STRN: variants seen among roughly 807,000 people sequenced by gnomAD.
STRN encodes protein phosphatase 2 regulatory subunit B'''alpha.
In STRN, 53 loss-of-function variants were observed where a neutral mutation model predicts 96.3. The ratio of observed to expected loss-of-function variants is 0.55; its 90% CI spans 0.44 to 0.69. STRN has a LOEUF of 0.69. STRN is among the 30% of genes least tolerant of loss of function. The pLI, the probability that STRN is intolerant of heterozygous loss-of-function variation, is 0.00. For synonymous variants in STRN, 428 were observed against 355.9 expected (o/e 1.20, Z -2.28); for missense variants, 987 against 963.9 (o/e 1.02, Z -0.32).
chr2:36,930,052 C>A (rs1372640945), intron 1 of STRN, among the ~76,000 whole-genome samples: 1 of 152,164 alleles, frequency 6.6e-6, no homozygotes, highest in Non-Finnish European at 1.5e-5. Flanking sequence ...CTCTGAAAAG[C>A]TTTGGATTAT....
intron 2 of STRN, among the ~76,000 whole-genome samples, chr2:36,923,790 A>G (rs1572677981): frequency 6.6e-6 from 1 of 152,226 alleles, no homozygotes; most frequent in African/African-American, 2.4e-5. Context: ...AAAGCAAAAA[A>G]GTAGCAAAAT....
intron 1 of STRN, among the ~76,000 whole-genome samples, chr2:36,957,986 C>A (rs1403139687): frequency 7.5e-5 from 11 of 146,202 alleles, no homozygotes; most frequent in Non-Finnish European, 1.2e-4. Context: ...GTGGCGCGAT[C>A]TTGGCTCACT....
intron 10 of STRN, among the ~76,000 whole-genome samples, chr2:36,871,669 A>G (rs1451744896): frequency 6.6e-6 from 1 of 152,242 alleles, no homozygotes; most frequent in Non-Finnish European, 1.5e-5. Flanking sequence ...TATTTTGACC[A>G]TTACTGAAAA....
chr2:36,930,269 T>C (rs1298485025), intron 1 of STRN, among the ~76,000 whole-genome samples: 1 of 151,960 alleles, frequency 6.6e-6, no homozygotes, highest in Non-Finnish European at 1.5e-5. Flanking sequence ...CCATCTCTAC[T>C]AAAAATACAA....
At chr2:36,926,163 T>G (rs1670403366) in intron 1 of STRN, among the ~76,000 whole-genome samples, 1 of 152,172 alleles carries the variant, frequency 6.6e-6, no homozygotes, top group East Asian at 1.9e-4. Flanking sequence ...CATTTGAACA[T>G]GAAACGAACT....
At chr2:36,890,733 C>T (rs2148184286) in intron 7 of STRN, among the ~76,000 whole-genome samples, 1 of 152,252 alleles carries the variant, frequency 6.6e-6, no homozygotes, top group South Asian at 2.1e-4. Context: ...ATCCACCCGC[C>T]TCGGCCTCCC....
At chr2:36,900,216 T>G (rs1417962281) in intron 5 of STRN, among the ~76,000 whole-genome samples, 2 of 152,134 alleles carry the variant, frequency 1.3e-5, no homozygotes, top group Non-Finnish European at 2.9e-5. Flanking sequence ...TAATCTAATG[T>G]AAAAAACTCC....
chr2:36,924,786 G>A (rs2148230543), intron 2 of STRN, among the ~76,000 whole-genome samples: 1 of 152,302 alleles, frequency 6.6e-6, no homozygotes, highest in African/African-American at 2.4e-5. Flanking sequence ...GCCAGGCCCA[G>A]TGGCTCACAC....
intron 12 of STRN, among the ~76,000 whole-genome samples, 180 bp from the exon 13 acceptor site, chr2:36,861,433 G>A (rs1668476765): frequency 6.6e-6 from 1 of 152,100 alleles, no homozygotes; most frequent in African/African-American, 2.4e-5. Context: ...TAAGAGGTTG[G>A]TAAATTATGG....
At chr2:36,935,595 A>T (rs1427566640) in intron 1 of STRN, among the ~76,000 whole-genome samples, 2 of 152,250 alleles carry the variant, frequency 1.3e-5, no homozygotes, top group African/African-American at 4.8e-5. Flanking sequence ...AACATAAAAT[A>T]ATTAAGTGCC....
intron 1 of STRN, among the ~76,000 whole-genome samples, chr2:36,942,509 A>G (rs1020469031): frequency 1.5e-4 from 23 of 152,182 alleles, no homozygotes; most frequent in African/African-American, 4.8e-4. Context: ...GGTGCTCTTG[A>G]TGCATATAGA....
At chr2:36,914,205 G>C (rs1304612068) in intron 3 of STRN, among the ~76,000 whole-genome samples, 2 of 152,082 alleles carry the variant, frequency 1.3e-5, no homozygotes, top group African/African-American at 4.8e-5. Context: ...TGCCCAGACT[G>C]GTCTCAAACT....
At chr2:36,860,982 AATACAG>A in intron 13 of STRN, 144 bp downstream of exon 13, 2 of 922,792 alleles carry the variant, frequency 2.2e-6, no homozygotes, top group Non-Finnish European at 3.1e-6. Flanking sequence ...TTAATTCCTA[AATACAG>A]AAGTCCTTTT....
chr2:36,928,648 T>C (rs903486563), intron 1 of STRN, among the ~76,000 whole-genome samples: 13 of 118,368 alleles, frequency 1.1e-4, no homozygotes, highest in Admixed American at 8.8e-4. Context: ...TGAGACTCCA[T>C]CTTAAAAAAA....
At chr2:36,961,278 T>TA (rs1461465849) in intron 1 of STRN, among the ~76,000 whole-genome samples, 1 of 149,704 alleles carries the variant, frequency 6.7e-6, no homozygotes, top group Non-Finnish European at 1.5e-5. Flanking sequence ...CCCGGCTAAT[T>TA]AAAAAAATTT....
Position 36,916,061 on chromosome 2 carries a change from C to A in STRN, c.412+17G>T. ...AACTTCTTTTTAACACTTAAACTTC[C>A]ATTAAAATTAGCTTACCAGAATCAT... On this transcript the variant is annotated intron_variant, in intron 3 of 17. Transcript: ENST00000263918. 6.2e-7 allele frequency: 1 copy of A among 1,602,178 alleles called. No homozygotes were observed. The highest frequency in any genetic ancestry group is 8.5e-7 in the Non-Finnish European group (1 of 1,170,924).
At chr2:36,851,267 G>A (rs917559991) in intron 15 of STRN, among the ~76,000 whole-genome samples, 160 bp from the exon 16 acceptor site, 4 of 152,110 alleles carry the variant, frequency 2.6e-5, no homozygotes, top group Non-Finnish European at 4.4e-5. Flanking sequence ...GGTGGATCAC[G>A]AGGTCAGGAG....
At chr2:36,890,406 G>A (rs1033278574) in intron 7 of STRN, among the ~76,000 whole-genome samples, 1 of 151,630 alleles carries the variant, frequency 6.6e-6, no homozygotes, top group African/African-American at 2.4e-5. Context: ...AAAAGTAAAG[G>A]CATATGAAAA....
At chr2:36,901,546 C>T (rs527444508) in intron 5 of STRN, among the ~76,000 whole-genome samples, 33 of 79,878 alleles carry the variant, frequency 4.1e-4, no homozygotes, top group South Asian at 6.1e-4. Context: ...AGCGAGACTC[C>T]GCCTCAAAAA....
Sources: allele counts gnomAD v4.1 joint callset (sites outside exome capture counted in the v4.1 genomes callset), GRCh38; gene constraint gnomAD v4.1.1; transcripts MANE v1.5; gene names NCBI Gene and HGNC (gene_info 2026-07-23, HGNC 2026-07-21).